Variants in BRPF3 observed in about 807,000 individuals in gnomAD.
The protein encoded by BRPF3 is bromodomain and PHD finger containing 3.
In BRPF3, 18 loss-of-function variants were observed where a neutral mutation model predicts 102.0. The observed-to-expected ratio is 0.18, with a 90% CI of 0.12 to 0.26. The LOEUF is 0.26. BRPF3 is among the 10% of genes least tolerant of loss of function. The pLI is 1.00. For synonymous variants in BRPF3, 570 were observed against 614.2 expected (o/e 0.93, Z 1.06); for missense variants, 1,147 against 1,567.8 (o/e 0.73, Z 4.53).
rs1362410509 is a variant in BRPF3 at position 36,214,122 on chromosome 6, C to T, written c.2725C>T (p.Leu909Phe). 1.2e-6 allele frequency: 2 copies of T among 1,614,240 alleles called. No individual in the cohort carries two copies. ...LSDNGINRLS[L>F]MAPDTPAGTP... Reference sequence around the variant, plus strand: ...TGACAATGGCATCAACAGACTATCCCTCATGGCCCCTGACACCCCGGCCGG... The same window carrying T: ...TGACAATGGCATCAACAGACTATCCTTCATGGCCCCTGACACCCCGGCCGG... Residue 909 changes from leucine (L) to phenylalanine (F), a missense_variant, in exon 8 of 13, where the codon CTC becomes TTC. Physicochemically the swap from Leu to Phe is conservative, Grantham distance 22 (BLOSUM62 0). This residue lies in a region of BRPF3 where 379 missense variants were observed against 426.3 expected (regional missense o/e 0.89). Coordinates refer to ENST00000357641, the MANE Select transcript of BRPF3 (RefSeq NM_015695.3).
In BRPF3 at chr6:36,230,707, C is replaced by A; in HGVS notation, c.*98C>A. On this transcript the variant is annotated 3_prime_UTR_variant, in exon 13 of 13. Transcript: ENST00000357641. This position sits in a 1 kb window ranked among gnomAD's most constrained non-coding sequence, Gnocchi z 5.4. ...GCCAGATGTATGGCCGGCAGCTTCC[C>A]CCTCTCATGGTAGGCCAGGGACTGG... 7.1e-7 allele frequency: 1 copy of A among 1,409,502 alleles called. No homozygotes were observed. The highest frequency in any genetic ancestry group is 9.6e-7 in the Non-Finnish European group (1 of 1,043,876). 87.3% of individuals were successfully genotyped at this position (1,409,502 alleles called of 1,614,324 possible).
At position 36,205,803 on chromosome 6, in the gene BRPF3, A is replaced by G. The variant is rs569043088; in HGVS notation, c.1605+989A>G. Among the ~76,000 whole-genome samples, 8 of 152,314 alleles carry G rather than the reference A, an allele frequency of 5.3e-5. No individual in the cohort carries two copies. In the South Asian group the frequency reaches 1.7e-3, roughly 32 times the overall value. On this transcript the variant is annotated intron_variant, in intron 3 of 12. Coordinates refer to ENST00000357641, the MANE Select transcript of BRPF3 (RefSeq NM_015695.3). ...CAATCTCATAATTGACAATAACTGTAATAGCAGCTCCAGACTTTTTGTCTT... is the reference window on the plus strand; with the variant it reads ...CAATCTCATAATTGACAATAACTGTGATAGCAGCTCCAGACTTTTTGTCTT...
At position 36,214,116 on chromosome 6, in the gene BRPF3, C is replaced by T; in HGVS notation, c.2719C>T (p.Leu907=). The T allele has an allele frequency of 3.1e-6, 5 of 1,614,238 alleles. No homozygotes were observed. The highest frequency in any genetic ancestry group is 4.2e-6 in the Non-Finnish European group (5 of 1,180,048). ...RLLSDNGINR[L]SLMAPDTPAG... ...GCTCAGTGACAATGGCATCAACAGA[C>T]TATCCCTCATGGCCCCTGACACCCC... is the stretch of plus-strand genomic sequence containing the variant. The change falls in exon 8 of 13, where the codon CTA becomes TTA. Residue 907 remains leucine, a synonymous_variant. Transcript: ENST00000357641.
chr6:36,221,869 C>G (rs1768556533), intron 9 of BRPF3, among the ~76,000 whole-genome samples: 1 of 152,176 alleles, frequency 6.6e-6, no homozygotes, highest in African/African-American at 2.4e-5. Context: ...GAAGGATTGA[C>G]AAATGACTGG....
intron 4 of BRPF3, among the ~76,000 whole-genome samples, 169 bp from the exon 5 acceptor site, chr6:36,209,618 C>G (rs1224842021): frequency 6.6e-6 from 1 of 152,164 alleles, no homozygotes; most frequent in Non-Finnish European, 1.5e-5. Context: ...CTGTTGGTGT[C>G]ATTATTCCTA....
Position 36,201,612 on chromosome 6 carries a change from G to T in BRPF3, c.1290G>T (p.Glu430Asp), listed in dbSNP as rs1767703247. 6.2e-7 allele frequency: 1 copy of T among 1,614,144 alleles called. No homozygotes were observed. The highest frequency in any genetic ancestry group is 8.5e-7 in the Non-Finnish European group (1 of 1,179,992). Residue 430 changes from glutamate to aspartate, a missense_variant, in exon 2 of 13, where the codon GAG becomes GAT. Around this residue, in one of 11 missense-constraint regions of BRPF3, gnomAD observed 157 missense variants for 163.6 expected, o/e 0.96. Coordinates refer to ENST00000357641, the MANE Select transcript of BRPF3 (RefSeq NM_015695.3). This position sits in a 1 kb window ranked among gnomAD's most constrained non-coding sequence, Gnocchi z 5.1. The stretch of plus-strand genomic sequence containing the variant: ...AAGAGGAAGAGGTGGAGGAAGAAGA[G>T]CAGGAAGCTCAAGGCGGGGTGAGTG... ...EEEEEEVEEE[E>D]QEAQGGVSGS...
At chr6:36,216,581 G>A (rs1417332800) in intron 8 of BRPF3, among the ~76,000 whole-genome samples, 3 of 152,224 alleles carry the variant, frequency 2.0e-5, no homozygotes, top group Non-Finnish European at 4.4e-5. Flanking sequence ...CCAGGTCAGA[G>A]GATAGACATT....
chr6:36,204,914 A>AT, intron 3 of BRPF3, 100 bp downstream of exon 3: 8 of 1,501,430 alleles, frequency 5.3e-6, no homozygotes, highest in Non-Finnish European at 7.2e-6. Context: ...TGATCCCTCC[A>AT]TGGAGCCTTT....
chr6:36,217,834 T>C, intron 8 of BRPF3, 83 bp from the exon 9 acceptor site: 1 of 1,194,684 alleles, frequency 8.4e-7, no homozygotes, highest in Non-Finnish European at 1.2e-6. Context: ...CACTGAGCCC[T>C]CCTGAGGTGG....
rs750899542 is a variant in BRPF3 at position 36,213,958 on chromosome 6, C to T, written c.2561C>T (p.Pro854Leu). 2.4e-5 allele frequency: 39 copies of T among 1,613,944 alleles called. No individual in the cohort carries two copies. Among genetic ancestry groups the T allele is most frequent in the South Asian group, 3.3e-5 (3 of 91,084 alleles). Residue 854 changes from proline (P) to leucine (L), a missense_variant, in exon 8 of 13, where the codon CCG (proline) becomes CTG (leucine). Around this residue, in one of 11 missense-constraint regions of BRPF3, gnomAD observed 379 missense variants for 426.3 expected, o/e 0.89. Coordinates refer to ENST00000357641, the MANE Select transcript of BRPF3 (RefSeq NM_015695.3). ...APSLSEQESPPEPPTLKPIND... is the reference protein window; with the variant it reads ...APSLSEQESPLEPPTLKPIND... ...TCCTTGTCTGAGCAAGAATCCCCCC[C>T]GGAGCCCCCTACTCTGAAACCCATT...
At position 36,211,683 on chromosome 6, in the gene BRPF3, T is replaced by C. The variant is rs1768120262; in HGVS notation, c.2482+123T>C. The C allele has an allele frequency of 6.7e-6, 8 of 1,195,278 alleles. No individual in the cohort carries two copies. In the South Asian group the frequency reaches 1.1e-4, roughly 17 times the overall value. The allele number at this position is 1,195,278 out of a possible 1,614,324, so 74.0% of individuals were successfully genotyped here. ...TCTGACACTTGTGGGCAAGCAAAAG[T>C]GCTTGGAAGGGCCACACTTCCATGT... On this transcript the variant is annotated intron_variant, in intron 7 of 12. Coordinates refer to ENST00000357641, the MANE Select transcript of BRPF3 (RefSeq NM_015695.3).
chr6:36,196,784 T>C lies in BRPF3; in HGVS notation c.-213T>C. 6.6e-6 allele frequency: 1 copy of C among 151,260 alleles called. No homozygotes were observed. Among genetic ancestry groups the C allele is most frequent in the Non-Finnish European group, 1.5e-5 (1 of 68,910 alleles). 9.4% of individuals were successfully genotyped at this position (151,260 alleles called of 1,614,324 possible). On this transcript the variant is annotated 5_prime_UTR_variant, in exon 1 of 13. Coordinates refer to ENST00000357641, the MANE Select transcript of BRPF3 (RefSeq NM_015695.3). Reference sequence around the variant, plus strand: ...GCAGCGGCGGCTCCATTCCCCCTCCTCCCCCGGGAGCGGCGGCGGCGGCCG... The same window carrying C: ...GCAGCGGCGGCTCCATTCCCCCTCCCCCCCCGGGAGCGGCGGCGGCGGCCG...
intron 2 of BRPF3, among the ~76,000 whole-genome samples, chr6:36,202,366 G>T (rs1767737810): frequency 6.6e-6 from 1 of 151,448 alleles, no homozygotes; most frequent in Non-Finnish European, 1.5e-5. Flanking sequence ...TAGATTTAGG[G>T]ATAAGAGGAT....
intron 9 of BRPF3, among the ~76,000 whole-genome samples, chr6:36,220,349 A>T (rs974054380): frequency 2.4e-4 from 36 of 152,220 alleles, no homozygotes; most frequent in African/African-American, 7.7e-4. Flanking sequence ...TATTGACTGC[A>T]TGGTATGTGC....
Position 36,216,311 on chromosome 6 carries a change from C to T in BRPF3, c.2990-1606C>T, listed in dbSNP as rs1581974630. On this transcript the variant is annotated intron_variant, in intron 8 of 12. Transcript: ENST00000357641. ...AGGCTTAGCCATACAGTGCTGAGAA[C>T]ACTGCATTAAAAGAATGAAAGATCC... is the stretch of plus-strand genomic sequence containing the variant. Among the ~76,000 whole-genome samples, 3 of 152,282 alleles carry T rather than the reference C, an allele frequency of 2.0e-5. 1 individual carries two copies. The East Asian group carries it at 5.8e-4, about 29-fold the overall frequency.
At chr6:36,215,373 G>A (rs1372741169) in intron 8 of BRPF3, among the ~76,000 whole-genome samples, 2 of 152,204 alleles carry the variant, frequency 1.3e-5, no homozygotes, top group African/African-American at 2.4e-5. Context: ...GCCTCCCAAA[G>A]TGATGGGATT....
In BRPF3 at chr6:36,231,221, A is replaced by G. The variant is rs1428604246; in HGVS notation, c.*612A>G. ...CACTGGTCTTTTTCTTTAATGTCTC[A>G]TTCCCCTTGAGGCCAGCTGCTATGC... On this transcript the variant is annotated 3_prime_UTR_variant, in exon 13 of 13. Coordinates refer to ENST00000357641, the MANE Select transcript of BRPF3 (RefSeq NM_015695.3). 6.6e-6 allele frequency: 1 copy of G among 152,612 alleles called. No individual in the cohort carries two copies. The highest frequency in any genetic ancestry group is 2.4e-5 in the African/African-American group (1 of 41,326). 9.5% of individuals were successfully genotyped at this position (152,612 alleles called of 1,614,324 possible).
At chr6:36,202,416 C>G (rs996608210) in intron 2 of BRPF3, among the ~76,000 whole-genome samples, 4 of 139,384 alleles carry the variant, frequency 2.9e-5, no homozygotes, top group Middle Eastern at 3.6e-3. Context: ...GTGGACCCCC[C>G]CCCCCTCCGC....
intron 8 of BRPF3, among the ~76,000 whole-genome samples, chr6:36,217,397 G>A (rs1057218996): frequency 2.0e-5 from 3 of 152,158 alleles, no homozygotes; most frequent in Admixed American, 2.0e-4. Flanking sequence ...TTGACAAAGG[G>A]CCCTTATCCA....
Sources: gnomAD v4.1 joint callset for allele counts (sites outside exome capture counted in the v4.1 genomes callset) on GRCh38, gnomAD v4.1.1 for gene constraint, gnomAD v4.1.1 regional missense constraint, Gnocchi (gnomAD v3.1) non-coding constraint, MANE v1.5 for transcripts, NCBI Gene and HGNC (gene_info 2026-07-23, HGNC 2026-07-21) for gene names.